CACNA2D3: variants seen among roughly 807,000 people sequenced by gnomAD.
CACNA2D3 encodes the protein voltage-dependent calcium channel subunit alpha-2/delta-3.
In CACNA2D3, 60 loss-of-function variants were observed where a neutral mutation model predicts 160.6. The ratio of observed to expected loss-of-function variants is 0.37; its 90% confidence interval spans 0.30 to 0.46. The LOEUF is 0.46. CACNA2D3 is among the 20% of genes least tolerant of loss of function. CACNA2D3 has a pLI of 1.00. For synonymous variants in CACNA2D3, 558 were observed against 492.9 expected, an observed-to-expected ratio of 1.13 and a Z score of -1.75; for missense variants, 1,205 against 1,365.0, an observed-to-expected ratio of 0.88 and a Z score of 1.85.
At chr3:54,224,028 A>G (rs1701622748) in intron 2 of CACNA2D3, among the ~76,000 whole-genome samples, 2 of 152,084 alleles carry the variant, frequency 1.3e-5, no homozygotes, top group South Asian at 4.1e-4. Flanking sequence ...CTTACTGTAT[A>G]TGCTTTTTCT....
intron 2 of CACNA2D3, among the ~76,000 whole-genome samples, chr3:54,279,528 A>T (rs887281444): frequency 6.6e-6 from 1 of 152,174 alleles, no homozygotes. Context: ...CTTAGCTTGC[A>T]CTTTGAAAAT....
At chr3:54,544,229 T>C (rs1702026663) in intron 5 of CACNA2D3, among the ~76,000 whole-genome samples, 1 of 152,228 alleles carries the variant, frequency 6.6e-6, no homozygotes, top group Non-Finnish European at 1.5e-5. Context: ...TTGAATAACT[T>C]AATATTGAAT....
At chr3:54,281,351 A>G (rs543834089) in intron 2 of CACNA2D3, among the ~76,000 whole-genome samples, 2 of 152,298 alleles carry the variant, frequency 1.3e-5, no homozygotes, top group East Asian at 3.9e-4. Context: ...TCCACTGTGT[A>G]TCCAGATTGC....
chr3:54,203,564 A>AG (rs1701214117), intron 2 of CACNA2D3, among the ~76,000 whole-genome samples: 1 of 152,200 alleles, frequency 6.6e-6, no homozygotes, highest in Non-Finnish European at 1.5e-5. Context: ...TTGGAAAATG[A>AG]GGGCAAAGTT....
chr3:55,043,966 A>G (rs1174407177), intron 35 of CACNA2D3, among the ~76,000 whole-genome samples: 1 of 152,006 alleles, frequency 6.6e-6, no homozygotes. Flanking sequence ...TAATTTATCT[A>G]TGTGTCTGTC....
intron 4 of CACNA2D3, among the ~76,000 whole-genome samples, chr3:54,421,090 T>C (rs942984451): frequency 1.3e-5 from 2 of 152,218 alleles, no homozygotes; most frequent in Middle Eastern, 3.2e-3. Context: ...ATGATGCTCT[T>C]TCCTGGAAGT....
intron 2 of CACNA2D3, among the ~76,000 whole-genome samples, chr3:54,148,201 T>C (rs1700072934): frequency 6.6e-6 from 1 of 152,224 alleles, no homozygotes; most frequent in Non-Finnish European, 1.5e-5. Context: ...CTTGCTACCC[T>C]TCCATATACT....
At chr3:55,051,474 A>T (rs1277005519) in intron 35 of CACNA2D3, among the ~76,000 whole-genome samples, 2 of 152,040 alleles carry the variant, frequency 1.3e-5, no homozygotes, top group African/African-American at 4.8e-5. Context: ...TCAGATCTCC[A>T]GCTGCATGCT....
At chr3:54,907,436 T>C (rs1700470140) in intron 27 of CACNA2D3, among the ~76,000 whole-genome samples, 1 of 152,136 alleles carries the variant, frequency 6.6e-6, no homozygotes, top group South Asian at 2.1e-4. Flanking sequence ...GTCTTGCGTT[T>C]GGGGGAGTGT....
At chr3:55,036,626 C>T (rs1703821946) in intron 35 of CACNA2D3, among the ~76,000 whole-genome samples, 1 of 151,712 alleles carries the variant, frequency 6.6e-6, no homozygotes, top group Non-Finnish European at 1.5e-5. Flanking sequence ...TGCCACCACG[C>T]CCAACTAGTT....
At chr3:54,434,297 C>T (rs896326543) in intron 4 of CACNA2D3, among the ~76,000 whole-genome samples, 6 of 152,174 alleles carry the variant, frequency 3.9e-5, no homozygotes, top group African/African-American at 9.7e-5. Context: ...AGACTGAATA[C>T]GGCGATGAAA....
chr3:54,718,705 T>C (rs1036678282), intron 11 of CACNA2D3, among the ~76,000 whole-genome samples: 1 of 152,118 alleles, frequency 6.6e-6, no homozygotes, highest in Non-Finnish European at 1.5e-5. Flanking sequence ...TATTGATTTC[T>C]ACAAAATAAT....
At chr3:54,923,831 CAG>C (rs1700927334) in intron 27 of CACNA2D3, among the ~76,000 whole-genome samples, 1 of 152,214 alleles carries the variant, frequency 6.6e-6, no homozygotes, top group South Asian at 2.1e-4. Context: ...CCATTGACAA[CAG>C]GGGTTGGCAA....
chr3:54,860,347 G>C (rs973901403), intron 17 of CACNA2D3, among the ~76,000 whole-genome samples: 9 of 152,238 alleles, frequency 5.9e-5, no homozygotes, highest in Non-Finnish European at 1.2e-4. Context: ...CCAAATGCCT[G>C]CTTCTCCCAA....
At chr3:54,855,568 G>A (rs537037298) in intron 17 of CACNA2D3, among the ~76,000 whole-genome samples, 2 of 152,002 alleles carry the variant, frequency 1.3e-5, no homozygotes, top group Non-Finnish European at 2.9e-5. Context: ...AAAGAAGAAA[G>A]GAAATATGGA....
In CACNA2D3 at chr3:54,269,545, C is replaced by T. The variant is rs368559009; in HGVS notation, c.205-50897C>T. On this transcript the variant is annotated intron_variant, in intron 2 of 37. Coordinates refer to ENST00000474759, the MANE Select transcript of CACNA2D3 (RefSeq NM_018398.3). ...CATTCTGAAGGTGAGGGAGATGTGC[C>T]CACACATGATTGGTGTGCTGTGATG... Among the ~76,000 whole-genome samples the T allele has an allele frequency of 7.9e-5, 12 of 152,256 alleles. No individual in the cohort carries two copies. The South Asian group carries it at 1.7e-3, about 21-fold the overall frequency.
intron 11 of CACNA2D3, among the ~76,000 whole-genome samples, chr3:54,673,041 T>G (rs967291432): frequency 1.3e-5 from 2 of 152,006 alleles, no homozygotes; most frequent in African/African-American, 4.8e-5. Flanking sequence ...TACAAGATTC[T>G]GAGACTACAC....
chr3:54,986,976 A>G (rs1448785362), intron 30 of CACNA2D3, among the ~76,000 whole-genome samples: 2 of 152,220 alleles, frequency 1.3e-5, no homozygotes, highest in African/African-American at 2.4e-5. Context: ...AATCTTGGCC[A>G]GCACCAAGAA....
chr3:54,484,463 A>T (rs1700983313), intron 4 of CACNA2D3, among the ~76,000 whole-genome samples: 1 of 152,098 alleles, frequency 6.6e-6, no homozygotes, highest in Non-Finnish European at 1.5e-5. Flanking sequence ...GACATTAGGA[A>T]AATTTGTTAC....
Sources: gnomAD v4.1 joint callset for allele counts (sites outside exome capture counted in the v4.1 genomes callset) on GRCh38, gnomAD v4.1.1 for gene constraint, MANE v1.5 for transcripts, NCBI Gene and HGNC (gene_info 2026-07-23, HGNC 2026-07-21) for gene names.